SLC46A1: variants seen among roughly 807,000 people sequenced by gnomAD.
The protein encoded by SLC46A1 is proton-coupled folate transporter.
In SLC46A1, 17 loss-of-function variants were observed where a neutral mutation model predicts 32.1. The ratio of observed to expected loss-of-function variants is 0.53; its 90% CI spans 0.36 to 0.79. SLC46A1 has a LOEUF of 0.79. Ranked by LOEUF, SLC46A1 falls within the 30% of genes least tolerant of loss-of-function variation. SLC46A1 has a pLI of 0.00. For missense variants in SLC46A1, 517 were observed against 588.2 expected (o/e 0.88, Z 1.25); for synonymous variants, 240 against 262.7 (o/e 0.91, Z 0.84).
upstream of SLC46A1, chr17:28,406,357 T>C (rs2142471199): frequency 2.5e-6 from 1 of 402,710 alleles, no homozygotes; most frequent in Non-Finnish European, 4.3e-6. The surrounding 1 kb of genome is among the most constrained non-coding windows in gnomAD (Gnocchi z 4.5). Context: ...TGACCTCACC[T>C]GTAAAGTGTG....
rs1555589116 is a variant in SLC46A1 at position 28,399,730 on chromosome 17, A to G, written c.1323-17T>C. 6.2e-7 allele frequency: 1 copy of G among 1,613,760 alleles called. No individual in the cohort carries two copies. The highest frequency in any genetic ancestry group is 8.5e-7 in the Non-Finnish European group (1 of 1,179,778). ...TCCAGCATCCTGTGAGAGACCAGAG[A>G]GAGAGTTTGGATTTCATGTGGGGAA... On this transcript the variant is annotated splice_polypyrimidine_tract_variant and intron_variant, in intron 4 of 4. Coordinates refer to ENST00000612814, the MANE Select transcript of SLC46A1 (RefSeq NM_080669.6).
intron 1 of SLC46A1, 46 bp downstream of exon 1, chr17:28,405,841 C>G (rs1258763417): frequency 2.6e-6 from 4 of 1,524,488 alleles, no homozygotes; most frequent in African/African-American, 2.8e-5. Context: ...CCCCCACGCT[C>G]CAGACCAGGG....
At position 28,400,656 on chromosome 17, in the gene SLC46A1, A is replaced by G; in HGVS notation, c.1276T>C (p.Phe426Leu). The G allele has an allele frequency of 6.2e-7, 1 of 1,613,778 alleles. No homozygotes were observed. Among genetic ancestry groups the G allele is most frequent in the Non-Finnish European group, 8.5e-7 (1 of 1,179,846 alleles). The change falls in exon 4 of 5, where the codon TTC (phenylalanine) becomes CTC (leucine). Residue 426 changes from phenylalanine (F) to leucine (L), a missense_variant. Transcript: ENST00000612814. Reference sequence around the variant, plus strand: ...AGCAGGAGGCCAGCTCCCAGGAGGAAGGGGAACCCCTTCATAAAGTTCAGA... The same window carrying G: ...AGCAGGAGGCCAGCTCCCAGGAGGAGGGGGAACCCCTTCATAAAGTTCAGA... ...ATLNFMKGFP[F>L]LLGAGLLLIP...
rs1347116373 is a variant in SLC46A1 at position 28,396,556 on chromosome 17, T to A, written c.*3100A>T. ...TTGTCTGTCTCCGTCATGGGGAGGG[T>A]CCCTGCTCAGTTCTGGAGACACTGG... On this transcript the variant is annotated 3_prime_UTR_variant, in exon 5 of 5. Transcript: ENST00000612814. The A allele has an allele frequency of 4.2e-5, 21 of 504,944 alleles. No homozygotes were observed. Among genetic ancestry groups the A allele is most frequent in the Non-Finnish European group, 6.5e-5 (18 of 278,864 alleles). 31.3% of individuals were successfully genotyped at this position (504,944 alleles called of 1,614,324 possible).
rs1555589428 is a variant in SLC46A1 at position 28,400,735 on chromosome 17, A to T, written c.1197T>A (p.Asn399Lys). The T allele has an allele frequency of 6.3e-7, 1 of 1,594,470 alleles. No homozygotes were observed. The highest frequency in any genetic ancestry group is 1.8e-5 in the Admixed American group (1 of 56,054). ...CGGAGGCCGTCAGCATGGCCAGGCT[A>T]TTCACACAGGCCACAGCAGAAAAGA... The part of the protein sequence containing the change: ...GALFSAVACV[N>K]SLAMLTASGI... Residue 399 changes from asparagine (N) to lysine (K), a missense_variant, in exon 4 of 5, where the codon AAT becomes AAA. Coordinates refer to ENST00000612814, the MANE Select transcript of SLC46A1 (RefSeq NM_080669.6).
In SLC46A1 at chr17:28,405,253, G is replaced by A; in HGVS notation, c.444C>T (p.Arg148=). The A allele has an allele frequency of 6.3e-7, 1 of 1,587,336 alleles. No individual in the cohort carries two copies. The highest frequency in any genetic ancestry group is 8.6e-7 in the Non-Finnish European group (1 of 1,167,454). Residue 148 remains arginine, a synonymous_variant, in exon 2 of 5, where the codon CGC becomes CGT. Transcript: ENST00000612814. ...QLHVGYFVLG[R]ILCALLGDFG... is the part of the protein sequence containing the mutation. ...AGTCGCCGAGGAGGGCACAAAGGAT[G>A]CGACCCAGCACGAAGTAGCCGACGT...
At chr17:28,402,039 C>A (rs2068202014) in intron 3 of SLC46A1, 199 bp downstream of exon 3, 1 of 527,100 alleles carries the variant, frequency 1.9e-6, no homozygotes, top group African/African-American at 1.9e-5. Flanking sequence ...AATCCCAACT[C>A]TGCGGTTTGA....
intron 1 of SLC46A1, 79 bp from the exon 2 acceptor site, chr17:28,405,547 A>G (rs1304844570): frequency 2.6e-6 from 4 of 1,537,072 alleles, no homozygotes; most frequent in Admixed American, 1.9e-5. Context: ...CCCGGGAGCT[A>G]CAGGGATGAG....
Position 28,405,946 on chromosome 17 carries a change from A to G in SLC46A1, c.169T>C (p.Tyr57His). Residue 57 changes from tyrosine to histidine, a missense_variant, in exon 1 of 5, where the codon TAC becomes CAC. Transcript: ENST00000612814. ...LWHRFSADLGYNGTRQRGGCS... is the reference protein window; with the variant it reads ...LWHRFSADLGHNGTRQRGGCS... ...CCCCCCCTTTGGCGGGTGCCATTGT[A>G]GCCGAGGTCGGCGCTGAAGCGGTGC... 6.2e-7 allele frequency: 1 copy of G among 1,611,210 alleles called. No homozygotes were observed. The highest frequency in any genetic ancestry group is 1.1e-5 in the South Asian group (1 of 90,674).
In SLC46A1 at chr17:28,405,199, C is replaced by T. The variant is rs781898209; in HGVS notation, c.498G>A (p.Ala166=). ...DFGGLLAASF[A]SVADVSSSRS... ...GACTGGAGCTGACATCTGCCACGGA[C>T]GCAAAGCTAGCAGCCAGAAGGCCAC... The change falls in exon 2 of 5, where the codon GCG becomes GCA. Residue 166 remains alanine (A), a synonymous_variant. Coordinates refer to ENST00000612814, the MANE Select transcript of SLC46A1 (RefSeq NM_080669.6). 6 of 1,602,834 alleles carry T rather than the reference C, an allele frequency of 3.7e-6. No individual in the cohort carries two copies. In the East Asian group the frequency reaches 1.1e-4, roughly 30 times the overall value.
Position 28,402,539 on chromosome 17 carries a change from T to C in SLC46A1, c.1082-218A>G, listed in dbSNP as rs2068210194. ...GCTAGCTCTCATGAATGAATGCTAA[T>C]TCCCATTGATTGCTTTCTTGTCTGA... On this transcript the variant is annotated intron_variant, in intron 2 of 4. Coordinates refer to ENST00000612814, the MANE Select transcript of SLC46A1 (RefSeq NM_080669.6). The C allele has an allele frequency of 6.5e-6, 3 of 459,290 alleles. No individual in the cohort carries two copies. The South Asian group carries it at 8.7e-5, about 13-fold the overall frequency. The allele number at this position is 459,290 out of a possible 1,614,324, so 28.5% of individuals were successfully genotyped here. A position where few individuals can be genotyped will look rare whatever the true frequency, so the allele number is the denominator to read the frequency against.
chr17:28,396,253 T>A lies in SLC46A1; in HGVS notation c.*3403A>T, dbSNP rs1207011384. ...ACTCATCTGCAGGCTCTGACACCAG[T>A]TTGGAGGGTGCTGCACCCATGGGTC... On this transcript the variant is annotated 3_prime_UTR_variant, in exon 5 of 5. Transcript: ENST00000612814. The A allele has an allele frequency of 6.2e-7, 1 of 1,613,830 alleles. No individual in the cohort carries two copies. Among genetic ancestry groups the A allele is most frequent in the East Asian group, 2.2e-5 (1 of 44,882 alleles).
rs367590729 is a variant in SLC46A1, at chr17:28,400,314, T to C, written c.1322+296A>G. The stretch of plus-strand genomic sequence containing the variant: ...TCCCTTTAACACAGTTCTGCTGCCA[T>C]AGTTCCATCTATAAAATGGGAATGG... On this transcript the variant is annotated intron_variant, in intron 4 of 4. Coordinates refer to ENST00000612814, the MANE Select transcript of SLC46A1 (RefSeq NM_080669.6). 3.8e-3 allele frequency: 1,552 copies of C among 407,104 alleles called. 25 individuals carry two copies. The highest frequency in any genetic ancestry group is 0.022 in the South Asian group (908 of 40,386). 25.2% of individuals were successfully genotyped at this position (407,104 alleles called of 1,614,324 possible).
chr17:28,404,523 G>A, intron 2 of SLC46A1, 93 bp downstream of exon 2: 1 of 1,502,410 alleles, frequency 6.7e-7, no homozygotes, highest in Non-Finnish European at 9.1e-7. Context: ...CAAAGACACA[G>A]GAATGAACCA....
At chr17:28,402,144 A>C (rs935173519) in intron 3 of SLC46A1, 94 bp downstream of exon 3, 2 of 1,067,628 alleles carry the variant, frequency 1.9e-6, no homozygotes, top group East Asian at 2.6e-5. Flanking sequence ...AGAGGGGGGA[A>C]GGCAAGCTGT....
Position 28,404,780 on chromosome 17 carries a change from T to C in SLC46A1, c.917A>G (p.Tyr306Cys), listed in dbSNP as rs1555590460. ...PLCWDSKLIG[Y>C]GSAAQHLPYL... ...GGGGAGATGCTGAGCTGCAGAACCA[T>C]AGCCGATTAGTTTGGAGTCCCAGCA... The change falls in exon 2 of 5, where the codon TAT becomes TGT. Residue 306 changes from tyrosine to cysteine, a missense_variant. By Grantham distance (194) the Tyr-to-Cys change is radical (BLOSUM62 -2). Transcript: ENST00000612814. 2 of 1,613,956 alleles carry C rather than the reference T, an allele frequency of 1.2e-6. No individual in the cohort carries two copies. The highest frequency in any genetic ancestry group is 1.3e-5 in the African/African-American group (1 of 75,022).
Position 28,404,848 on chromosome 17 carries a change from C to T in SLC46A1, c.849G>A (p.Gly283=), listed in dbSNP as rs782306668. Residue 283 remains glycine (G), a synonymous_variant, in exon 2 of 5, where the codon GGG becomes GGA. Coordinates refer to ENST00000612814, the MANE Select transcript of SLC46A1 (RefSeq NM_080669.6). ...CATAAAGGGTTAAGATGTCCTGGGC[C>T]CCAAAGTGCACAGTGATCACCACGA... The part of the protein sequence containing the change: ...AIFVVITVHF[G]AQDILTLYEL... 3.5e-5 allele frequency: 56 copies of T among 1,613,904 alleles called. No homozygotes were observed. The East Asian group carries it at 1.2e-3, about 36-fold the overall frequency.
At chr17:28,402,477 A>T in intron 2 of SLC46A1, 156 bp from the exon 3 acceptor site, 1 of 605,784 alleles carries the variant, frequency 1.7e-6, no homozygotes. Context: ...GTAGTCAAGG[A>T]GGAATGGAGA....
At position 28,395,797 on chromosome 17, in the gene SLC46A1, C is replaced by T. The variant is rs1182726630; in HGVS notation, c.*3859G>A. On this transcript the variant is annotated 3_prime_UTR_variant, in exon 5 of 5. Transcript: ENST00000612814. ...TCAAGGTGGACATCAGGACTGGTGT[C>T]CTGCCCTGGGCCCAGCCTCGGGCCA... is the stretch of plus-strand genomic sequence containing the variant. 2.6e-5 allele frequency: 32 copies of T among 1,246,998 alleles called. No individual in the cohort carries two copies. The highest frequency in any genetic ancestry group is 3.6e-5 in the Non-Finnish European group (31 of 866,238). 77.2% of individuals were successfully genotyped at this position (1,246,998 alleles called of 1,614,324 possible).
Sources: allele counts gnomAD v4.1 joint callset, GRCh38; gene constraint gnomAD v4.1.1; non-coding constraint Gnocchi (gnomAD v3.1); transcripts MANE v1.5; gene names NCBI Gene and HGNC (gene_info 2026-07-23, HGNC 2026-07-21).